The following GALNT14 variants were observed in gnomAD, a reference collection of about 807,000 sequenced individuals.
GALNT14 encodes polypeptide N-acetylgalactosaminyltransferase 14, also known as UDP-GalNAc:polypeptide N-acetylgalactosaminyltransferase 14.
In GALNT14, 60 loss-of-function variants were observed where a neutral mutation model predicts 77.5. The ratio of observed to expected loss-of-function variants is 0.77; its 90% CI spans 0.63 to 0.96. The LOEUF is 0.96. Ranked by LOEUF, GALNT14 falls within the 40% of genes least tolerant of loss-of-function variation. The probability of loss-of-function intolerance (pLI) is 0.00; values close to 1 mark genes in which losing one functional copy is unlikely to be tolerated. For synonymous variants in GALNT14, 280 were observed against 281.7 expected, an observed-to-expected ratio of 0.99 and a Z score of 0.06; for missense variants, 710 against 731.0, an observed-to-expected ratio of 0.97 and a Z score of 0.33.
intron 9 of GALNT14, among the ~76,000 whole-genome samples, chr2:30,932,502 G>A (rs1045530691): frequency 6.6e-6 from 1 of 152,260 alleles, no homozygotes. Context: ...TGGAAAGGAG[G>A]AGCCTTGGGG....
At chr2:30,903,078 T>C in the GALNT14 span, among the ~76,000 whole-genome samples, 3 of 152,190 alleles carry the variant, frequency 2.0e-5, no homozygotes, top group Non-Finnish European at 4.4e-5. Context: ...ACATCGTAAC[T>C]ATAGGAGGCC....
intron 13 of GALNT14, among the ~76,000 whole-genome samples, chr2:30,923,524 G>C (rs1665170484): frequency 6.6e-6 from 1 of 152,238 alleles, no homozygotes; most frequent in Non-Finnish European, 1.5e-5. Context: ...AAACCTTTCA[G>C]AGAAGGGACC....
the GALNT14 span, among the ~76,000 whole-genome samples, chr2:30,902,816 G>C: frequency 6.6e-6 from 1 of 152,132 alleles, no homozygotes; most frequent in Admixed American, 6.5e-5. Context: ...CATACACTGA[G>C]GGCGACAGAG....
At chr2:30,897,359 C>A in the GALNT14 span, among the ~76,000 whole-genome samples, 3 of 152,150 alleles carry the variant, frequency 2.0e-5, no homozygotes, top group Admixed American at 1.3e-4. Context: ...CAAACAGATG[C>A]CCCCTGGGTA....
At chr2:30,988,015 C>T (rs1669419443) in intron 2 of GALNT14, among the ~76,000 whole-genome samples, 1 of 152,138 alleles carries the variant, frequency 6.6e-6, no homozygotes, top group Non-Finnish European at 1.5e-5. Flanking sequence ...TCCTTTAACT[C>T]AGAGTCTATT....
At chr2:31,027,462 A>ATTTTC (rs1247012477) in intron 1 of GALNT14, among the ~76,000 whole-genome samples, 2 of 151,206 alleles carry the variant, frequency 1.3e-5, no homozygotes, top group Non-Finnish European at 2.9e-5. Flanking sequence ...TGTGCTCAGT[A>ATTTTC]TTTTCTTACT....
chr2:30,938,384 A>ACACACTCTCT (rs1174119035), intron 9 of GALNT14, among the ~76,000 whole-genome samples: 151 of 141,774 alleles, frequency 1.1e-3, no homozygotes, highest in African/African-American at 3.7e-3. Flanking sequence ...ACACACACAC[A>ACACACTCTCT]CTCTCTCTCT....
intron 1 of GALNT14, among the ~76,000 whole-genome samples, chr2:31,104,041 A>G (rs539208282): frequency 7.2e-5 from 11 of 152,284 alleles, no homozygotes; most frequent in South Asian, 2.1e-4. Context: ...TTCTTTGCTT[A>G]TCTTGTAGAT....
chr2:31,050,334 T>C (rs568834062), intron 1 of GALNT14, among the ~76,000 whole-genome samples: 5 of 152,282 alleles, frequency 3.3e-5, no homozygotes, highest in Non-Finnish European at 7.4e-5. Context: ...GGCTCCCTTC[T>C]TCCCAGCACG....
At chr2:30,979,287 G>C (rs956636296) in intron 2 of GALNT14, among the ~76,000 whole-genome samples, 1 of 152,208 alleles carries the variant, frequency 6.6e-6, no homozygotes, top group Non-Finnish European at 1.5e-5. Context: ...CAACAAAATG[G>C]GAGTGGGGGG....
intron 1 of GALNT14, among the ~76,000 whole-genome samples, chr2:31,008,305 C>G (rs111610549): frequency 0.027 from 4,165 of 152,098 alleles, 207 homozygotes; most frequent in African/African-American, 0.096. Flanking sequence ...CTATGTTGCC[C>G]AGGTTGGTCT....
chr2:31,070,730 C>T (rs1396516281), intron 1 of GALNT14, among the ~76,000 whole-genome samples: 1 of 152,194 alleles, frequency 6.6e-6, no homozygotes, highest in African/African-American at 2.4e-5. Context: ...GCCACATGCC[C>T]AAATCATTGC....
intron 11 of GALNT14, among the ~76,000 whole-genome samples, chr2:30,926,126 CAG>C (rs1265057166): frequency 6.6e-6 from 1 of 152,198 alleles, no homozygotes; most frequent in Non-Finnish European, 1.5e-5. Flanking sequence ...AGCTCATCAC[CAG>C]ACTCTAAGCT....
intron 1 of GALNT14, among the ~76,000 whole-genome samples, chr2:31,071,013 TATC>T (rs1675328855): frequency 6.6e-6 from 1 of 152,114 alleles, no homozygotes; most frequent in Non-Finnish European, 1.5e-5. Context: ...GAAAACCAAA[TATC>T]ATATGTTCTC....
intron 1 of GALNT14, among the ~76,000 whole-genome samples, chr2:31,089,548 C>T (rs1676625499): frequency 6.6e-6 from 1 of 151,742 alleles, no homozygotes; most frequent in African/African-American, 2.4e-5. Flanking sequence ...TTTTTTTTCT[C>T]ACTTCTTATG....
rs115384163 is a variant in GALNT14 at position 31,126,210 on chromosome 2, C to T, written c.129+11748G>A. Among the ~76,000 whole-genome samples the T allele has an allele frequency of 3.1e-3, 466 of 152,272 alleles. 3 individuals carry two copies. The highest frequency in any genetic ancestry group is 0.01 in the African/African-American group (432 of 41,560). On this transcript the variant is annotated intron_variant, in intron 1 of 14. Transcript: ENST00000349752. ...ACTATTTCATCCAACAATTTCTGAT[C>T]TAAACTGTTCACTCTGGGAAGCACA...
chr2:30,942,332 G>A, intron 8 of GALNT14, 28 bp from the exon 9 acceptor site: 1 of 1,549,144 alleles, frequency 6.5e-7, no homozygotes, highest in East Asian at 2.2e-5. Flanking sequence ...AAAGAGAGGG[G>A]ATCAGTTCTA....
At chr2:31,062,232 G>A (rs1674644862) in intron 1 of GALNT14, among the ~76,000 whole-genome samples, 1 of 152,072 alleles carries the variant, frequency 6.6e-6, no homozygotes, top group Non-Finnish European at 1.5e-5. Context: ...CCTCCCGACA[G>A]ACCCCAGTGT....
At chr2:31,113,286 A>G (rs1161706098) in intron 1 of GALNT14, among the ~76,000 whole-genome samples, 1 of 152,102 alleles carries the variant, frequency 6.6e-6, no homozygotes, top group African/African-American at 2.4e-5. Flanking sequence ...ACAGGTGTGG[A>G]GTCTAAGCGA....
Sources: gnomAD v4.1 joint callset for allele counts (sites outside exome capture counted in the v4.1 genomes callset) on GRCh38, gnomAD v4.1.1 for gene constraint, MANE v1.5 for transcripts, NCBI Gene and HGNC (gene_info 2026-07-23, HGNC 2026-07-21) for gene names.